The following CACNA1E variants were observed in gnomAD, a reference collection of about 807,000 sequenced individuals.
CACNA1E encodes the protein calcium voltage-gated channel subunit alpha1 E, also known as voltage-dependent R-type calcium channel subunit alpha-1E.
In CACNA1E, 40 loss-of-function variants were observed where a neutral mutation model predicts 259.2. The ratio of observed to expected loss-of-function variants is 0.15; its 90% CI spans 0.12 to 0.20. The LOEUF is 0.20. Ranked by LOEUF, CACNA1E falls within the 10% of genes least tolerant of loss-of-function variation. The probability of loss-of-function intolerance (pLI) is 1.00; values close to 1 mark genes in which losing one functional copy is unlikely to be tolerated. For missense variants in CACNA1E, 1,874 were observed against 3,040.1 expected (o/e 0.62, Z 9.02); for synonymous variants, 1,104 against 1,138.5 (o/e 0.97, Z 0.61).
chr1:181,775,359 C>T (rs951913790), intron 37 of CACNA1E, among the ~76,000 whole-genome samples: 1 of 152,170 alleles, frequency 6.6e-6, no homozygotes, highest in African/African-American at 2.4e-5. Context: ...CAAGTCCTGT[C>T]GATTCCACCT....
At chr1:181,759,837 G>C (rs1441826920) in intron 32 of CACNA1E, among the ~76,000 whole-genome samples, 2 of 152,212 alleles carry the variant, frequency 1.3e-5, no homozygotes, top group East Asian at 3.8e-4. Context: ...TCTGGGCTGG[G>C]TTCGATAATT....
At chr1:181,369,699 C>G (rs969995124) in intron 1 of CACNA1E, among the ~76,000 whole-genome samples, 1 of 152,218 alleles carries the variant, frequency 6.6e-6, no homozygotes, top group Admixed American at 6.5e-5. Context: ...TTCTGTATGC[C>G]GTCAAGATGC....
intron 6 of CACNA1E, among the ~76,000 whole-genome samples, chr1:181,638,954 T>C (rs1657485827): frequency 6.6e-6 from 1 of 152,218 alleles, no homozygotes; most frequent in Non-Finnish European, 1.5e-5. Context: ...CTTGGGCAGT[T>C]CTTTATAGCA....
At chr1:181,509,065 G>A (rs1433960225) in intron 1 of CACNA1E, among the ~76,000 whole-genome samples, 1 of 152,132 alleles carries the variant, frequency 6.6e-6, no homozygotes, top group Non-Finnish European at 1.5e-5. Flanking sequence ...TGACTCTCCA[G>A]TGTGACTCAG....
rs1657640601 is a variant in CACNA1E, at chr1:181,408,771, TAG to T, written c.-14-4359_-14-4358del. Among the ~76,000 whole-genome samples the T allele has an allele frequency of 2.0e-5, 3 of 152,344 alleles. No homozygotes were observed. In the South Asian group the frequency reaches 6.2e-4, roughly 32 times the overall value. ...AGAGAAGTAGGTAGGAAGCAAGGGT[TAG>T]AGTCAGACTGGTGCTCTCAAAGCTT... is the stretch of plus-strand genomic sequence containing the variant. On this transcript the variant is annotated intron_variant, in intron 1 of 11. Coordinates refer to the CACNA1E transcript ENST00000524607.
intron 6 of CACNA1E, among the ~76,000 whole-genome samples, chr1:181,620,680 C>T (rs1655643260): frequency 6.6e-6 from 1 of 152,122 alleles, no homozygotes; most frequent in Admixed American, 6.5e-5. Flanking sequence ...ATCTGGTGGA[C>T]TTACATGAAA....
At chr1:181,471,534 A>AT (rs201425857) in intron 2 of CACNA1E, among the ~76,000 whole-genome samples, 2,996 of 149,798 alleles carry the variant, frequency 0.02, 31 homozygotes, top group Non-Finnish European at 0.022. Context: ...AGTTTCTTTG[A>AT]TTTTTTTTTT....
chr1:181,785,060 G>A (rs897384720), intron 41 of CACNA1E, among the ~76,000 whole-genome samples: 23 of 152,130 alleles, frequency 1.5e-4, no homozygotes, highest in Non-Finnish European at 4.4e-5. Flanking sequence ...TAGGCGTGAT[G>A]CTTACTCATG....
chr1:181,679,055 C>A (rs145970235), intron 7 of CACNA1E, among the ~76,000 whole-genome samples: 105 of 152,258 alleles, frequency 6.9e-4, no homozygotes, highest in Non-Finnish European at 1.1e-3. Context: ...CTTTGCATGA[C>A]GCACTTACTG....
chr1:181,790,078 T>C (rs928517745), intron 43 of CACNA1E, among the ~76,000 whole-genome samples: 6 of 152,220 alleles, frequency 3.9e-5, no homozygotes, highest in Non-Finnish European at 8.8e-5. Context: ...GCTTAATATT[T>C]AAACAAACTG....
rs374689888 is a variant in CACNA1E at position 181,732,491 on chromosome 1, C to T, written c.2405C>T (p.Ala802Val). Residue 802 changes from alanine (A) to valine (V), a missense_variant, in exon 20 of 48, where the codon GCG (alanine) becomes GTG (valine). This residue lies in a region of CACNA1E where 476 missense variants were observed against 514.0 expected (regional missense o/e 0.93). Coordinates refer to ENST00000367573, the MANE Select transcript of CACNA1E (RefSeq NM_001205293.3). This position sits in a 1 kb window ranked among gnomAD's most constrained non-coding sequence, Gnocchi z 5.5. ...SSQEALNREE[A>V]PTMNPLNPLN... ...CAGGAGGCCCTCAACAGAGAGGAGG[C>T]GCCGACCATGAACCCGCTCAACCCC... The T allele has an allele frequency of 9.4e-5, 146 of 1,551,404 alleles. No homozygotes were observed. The highest frequency in any genetic ancestry group is 8.4e-4 in the South Asian group (71 of 84,050).
intron 25 of CACNA1E, among the ~76,000 whole-genome samples, chr1:181,744,186 G>C (rs1656847189): frequency 6.6e-6 from 1 of 152,218 alleles, no homozygotes; most frequent in South Asian, 2.1e-4. Flanking sequence ...TCACTTTCCT[G>C]ACACTTGACA....
chr1:181,571,869 G>A (rs1196096646), intron 3 of CACNA1E, among the ~76,000 whole-genome samples: 2 of 152,094 alleles, frequency 1.3e-5, no homozygotes, highest in Non-Finnish European at 2.9e-5. Flanking sequence ...TTCTAGGGCT[G>A]GGACAATGAC....
upstream of CACNA1E, chr1:181,483,212 CTTTG>C (rs5779103): frequency 0.13 from 19,117 of 152,098 alleles, 1,251 homozygotes; most frequent in Non-Finnish European, 0.14. Flanking sequence ...CCGTCCTCGT[CTTTG>C]TTTATTTTTT....
At position 181,716,128 on chromosome 1, in the gene CACNA1E, G is replaced by A. The variant is rs1357657963; in HGVS notation, c.1314G>A (p.Val438=). The change falls in exon 10 of 48, where the codon GTG becomes GTA. Residue 438 remains valine (V), a splice_region_variant and synonymous_variant. Coordinates refer to ENST00000367573, the MANE Select transcript of CACNA1E (RefSeq NM_001205293.3). ...SDEHCVDISS[V]GTPLARASIK... is the part of the protein sequence containing the mutation. ...AGCACTGTGTTGATATCTCCTCTGT[G>A]GGTGAGTGGATCCAGTTAGATCTTT... is the stretch of plus-strand genomic sequence containing the variant. 3 of 1,547,710 alleles carry A rather than the reference G, an allele frequency of 1.9e-6. No individual in the cohort carries two copies. The African/African-American group carries it at 4.1e-5, about 21-fold the overall frequency.
At chr1:181,435,854 A>G (rs1660049647) in intron 2 of CACNA1E, among the ~76,000 whole-genome samples, 1 of 152,214 alleles carries the variant, frequency 6.6e-6, no homozygotes, top group Admixed American at 6.5e-5. Context: ...ATAACAAAAT[A>G]CTGTGCAATA....
At chr1:181,783,879 C>A in intron 40 of CACNA1E, 95 bp downstream of exon 40, 1 of 780,284 alleles carries the variant, frequency 1.3e-6, no homozygotes, top group South Asian at 1.5e-5. Context: ...GTCATCTATC[C>A]AGTTAAGGAC....
Position 181,469,943 on chromosome 1 carries a change from T to C in CACNA1E, c.435-13801T>C, listed in dbSNP as rs942540800. Among the ~76,000 whole-genome samples, 15 of 152,210 alleles carry C rather than the reference T, an allele frequency of 9.9e-5. No individual in the cohort carries two copies. In the South Asian group the frequency reaches 3.1e-3, roughly 32 times the overall value. On this transcript the variant is annotated intron_variant, in intron 2 of 11. Transcript: ENST00000524607. ...GCCACCTTATCATGTTATCACTTCT[T>C]AGTGCTTCAGCCAGAGGGTGAGGAG...
At position 181,391,945 on chromosome 1, in the gene CACNA1E, CTGTGTGTGTGTGTG is replaced by C. The variant is rs201388697; in HGVS notation, c.-14-21166_-14-21153del. 8.6e-3 allele frequency among the ~76,000 whole-genome samples: 1,022 copies of C among 118,250 alleles called. 41 individuals carry two copies. In the East Asian group the frequency reaches 0.13, roughly 16 times the overall value. The allele number at this position is 118,250 out of a possible 152,430, so 77.6% of individuals were successfully genotyped here. ...TCTCTGTCTCTCTCTCTCTCTCTCTCTGTGTGTGTGTGTGTGTGTGTGTGTGTGTGTGTGTTTAG... is the reference window on the plus strand; with the variant it reads ...TCTCTGTCTCTCTCTCTCTCTCTCTCTGTGTGTGTGTGTGTGTGTGTTTAG... On this transcript the variant is annotated intron_variant, in intron 1 of 11. Transcript: ENST00000524607.
Sources: allele counts gnomAD v4.1 joint callset (sites outside exome capture counted in the v4.1 genomes callset), GRCh38; gene constraint gnomAD v4.1.1; regional missense constraint gnomAD v4.1.1; non-coding constraint Gnocchi (gnomAD v3.1); transcripts MANE v1.5; gene names NCBI Gene and HGNC (gene_info 2026-07-23, HGNC 2026-07-21).